The following CDC42BPG variants were observed in gnomAD, a reference collection of about 807,000 sequenced individuals.
CDC42BPG encodes serine/threonine-protein kinase MRCK gamma.
A neutral mutation model predicts 192.2 loss-of-function variants in CDC42BPG; 157 were observed. The ratio of observed to expected loss-of-function variants is 0.82; its 90% CI spans 0.72 to 0.93. The LOEUF is 0.93. CDC42BPG is among the 40% of genes least tolerant of loss of function. The pLI is 0.00. For missense variants in CDC42BPG, 1,992 were observed against 2,122.1 expected (o/e 0.94, Z 1.20); for synonymous variants, 981 against 918.5 (o/e 1.07, Z -1.23).
intron 30 of CDC42BPG, 34 bp downstream of exon 30, chr11:64,829,437 C>T (rs1942578441): frequency 6.3e-7 from 1 of 1,598,600 alleles, no homozygotes; most frequent in African/African-American, 1.3e-5. Context: ...CTGAAGGTGC[C>T]TGGCCCCCCT....
Position 64,838,886 on chromosome 11 carries a change from G to A in CDC42BPG, c.893C>T (p.Pro298Leu). The A allele has an allele frequency of 1.2e-6, 2 of 1,609,500 alleles. No homozygotes were observed. Among genetic ancestry groups the A allele is most frequent in the African/African-American group, 1.3e-5 (1 of 74,970 alleles). ...IMNHEDHLQF[P>L]PDVPDVPASA... ...GGCTGGCACGTCAGGCACGTCCGGG[G>A]GGAACTGCAGGTGGTCCTGTGGGTC... Residue 298 changes from proline to leucine, a missense_variant, in exon 8 of 37, where the codon CCC becomes CTC. Pro to Leu is a moderately conservative substitution (Grantham distance 98). This residue lies in a region of CDC42BPG where 1,656 missense variants were observed against 1,844.3 expected (regional missense o/e 0.90). Transcript: ENST00000342711.
rs748973936 is a variant in CDC42BPG, at chr11:64,836,098, AC to A, written c.1668+18del. On this transcript the variant is annotated intron_variant, in intron 13 of 36. Coordinates refer to ENST00000342711, the MANE Select transcript of CDC42BPG (RefSeq NM_017525.3). ...GGGGCAGGGCCCAGGTGCTGTCCCT[AC>A]CCACCCTGGTCACTCACCTCCCTCT... 2.8e-5 allele frequency: 44 copies of A among 1,586,170 alleles called. No individual in the cohort carries two copies. In the South Asian group the frequency reaches 4.9e-4, roughly 18 times the overall value.
intron 24 of CDC42BPG, 36 bp downstream of exon 24, chr11:64,833,195 G>A (rs1942786015): frequency 1.4e-6 from 2 of 1,471,490 alleles, no homozygotes; most frequent in South Asian, 1.2e-5. Flanking sequence ...ACACACCTGG[G>A]ACCGTGGCTG....
Position 64,831,585 on chromosome 11 carries a change from G to C in CDC42BPG, c.3224C>G (p.Pro1075Arg). The C allele has an allele frequency of 6.2e-7, 1 of 1,612,452 alleles. No individual in the cohort carries two copies. The highest frequency in any genetic ancestry group is 1.7e-5 in the Admixed American group (1 of 60,008). ...CTCCTTGAGTGTGTACACGGGCCGGGGTCTTGGCCGCGCGTCCAGCAGCAG... is the reference window on the plus strand; with the variant it reads ...CTCCTTGAGTGTGTACACGGGCCGGCGTCTTGGCCGCGCGTCCAGCAGCAG... ...QRLLLDARPR[P>R]RPVYTLKEAY... The change falls in exon 28 of 37, where the codon CCC becomes CGC. Residue 1075 changes from proline (P) to arginine (R), a missense_variant. Transcript: ENST00000342711.
Position 64,837,034 on chromosome 11 carries a change from G to T in CDC42BPG, c.1206-15C>A, listed in dbSNP as rs367720398. ...CAGGACTGTGACTGTAGGGGGACAGGGGCCATGTTTGTTGGTAGAAACCTC... is the reference window on the plus strand; with the variant it reads ...CAGGACTGTGACTGTAGGGGGACAGTGGCCATGTTTGTTGGTAGAAACCTC... On this transcript the variant is annotated splice_polypyrimidine_tract_variant and intron_variant, in intron 9 of 36. Coordinates refer to ENST00000342711, the MANE Select transcript of CDC42BPG (RefSeq NM_017525.3). 9 of 1,603,590 alleles carry T rather than the reference G, an allele frequency of 5.6e-6. No individual in the cohort carries two copies. Among genetic ancestry groups the T allele is most frequent in the Non-Finnish European group, 7.7e-6 (9 of 1,170,970 alleles).
rs1177029009 is a variant in CDC42BPG at position 64,824,807 on chromosome 11, G to A, written c.4600-278C>T. Among the ~76,000 whole-genome samples, 4 of 152,110 alleles carry A rather than the reference G, an allele frequency of 2.6e-5. No homozygotes were observed. The East Asian group carries it at 7.7e-4, about 29-fold the overall frequency. ...TCGCCTAGCCTGGAGTGCAATAATGGCATGATCTTGGCTCACTGCAACCTC... is the reference window on the plus strand; with the variant it reads ...TCGCCTAGCCTGGAGTGCAATAATGACATGATCTTGGCTCACTGCAACCTC... On this transcript the variant is annotated intron_variant, in intron 36 of 36. Transcript: ENST00000342711.
In CDC42BPG at chr11:64,841,644, A is replaced by G. The variant is rs1943287770; in HGVS notation, c.336+6T>C. On this transcript the variant is annotated splice_donor_region_variant and intron_variant, in intron 3 of 36. Coordinates refer to ENST00000342711, the MANE Select transcript of CDC42BPG (RefSeq NM_017525.3). ...TGCCCAAGGGCCCCCCAGACTCCACACTGACCTCAGCCCTCTTCAGCATCT... is the reference window on the plus strand; with the variant it reads ...TGCCCAAGGGCCCCCCAGACTCCACGCTGACCTCAGCCCTCTTCAGCATCT... The G allele has an allele frequency of 1.9e-6, 3 of 1,591,646 alleles. No homozygotes were observed. Among genetic ancestry groups the G allele is most frequent in the Non-Finnish European group, 1.7e-6 (2 of 1,169,614 alleles).
chr11:64,835,276 G>A, intron 16 of CDC42BPG, 71 bp downstream of exon 16: 3 of 1,609,844 alleles, frequency 1.9e-6, no homozygotes, highest in Non-Finnish European at 1.7e-6. Flanking sequence ...GCTGCAGCTT[G>A]CCCACCCCTC....
chr11:64,833,166 G>A lies in CDC42BPG; in HGVS notation c.2731+65C>T, dbSNP rs1004342818. On this transcript the variant is annotated intron_variant, in intron 24 of 36. Transcript: ENST00000342711. ...CAGTGACCCTGGGATGGGAGAAACA[G>A]CCTGGGTATGCCAGGGCCACACACC... 6 of 1,345,708 alleles carry A rather than the reference G, an allele frequency of 4.5e-6. No individual in the cohort carries two copies. In the Admixed American group the frequency reaches 1.0e-4, roughly 23 times the overall value. 83.4% of individuals were successfully genotyped at this position (1,345,708 alleles called of 1,614,324 possible).
chr11:64,831,215 C>A (rs560489021), intron 28 of CDC42BPG, among the ~76,000 whole-genome samples: 2 of 113,876 alleles, frequency 1.8e-5, no homozygotes, highest in East Asian at 5.0e-4. Context: ...GAGACTCTGT[C>A]TCAAAAAAAG....
chr11:64,840,819 C>T (rs1207620490), intron 3 of CDC42BPG, among the ~76,000 whole-genome samples, 171 bp from the exon 4 acceptor site: 1 of 152,200 alleles, frequency 6.6e-6, no homozygotes, highest in Admixed American at 6.5e-5. Flanking sequence ...CGCTCTACAG[C>T]TCTGGGCCTC....
intron 27 of CDC42BPG, among the ~76,000 whole-genome samples, chr11:64,832,033 G>C (rs1307198954): frequency 6.6e-6 from 1 of 152,266 alleles, no homozygotes; most frequent in Non-Finnish European, 1.5e-5. Context: ...AGGTAGGTGA[G>C]GGGCTGGGCT....
Position 64,827,672 on chromosome 11 carries a change from T to C in CDC42BPG, c.4065+14A>G, listed in dbSNP as rs1345131450. The C allele has an allele frequency of 1.9e-6, 3 of 1,608,180 alleles. No individual in the cohort carries two copies. Among genetic ancestry groups the C allele is most frequent in the Non-Finnish European group, 2.6e-6 (3 of 1,175,914 alleles). ...CACCCCCGGCGCTACCCCAGGGCTCTGGCGGACCCTCACCTTCTTGAGCGG... is the reference window on the plus strand; with the variant it reads ...CACCCCCGGCGCTACCCCAGGGCTCCGGCGGACCCTCACCTTCTTGAGCGG... On this transcript the variant is annotated intron_variant, in intron 31 of 36. Coordinates refer to ENST00000342711, the MANE Select transcript of CDC42BPG (RefSeq NM_017525.3).
rs1486624271 is a variant in CDC42BPG at position 64,824,317 on chromosome 11, G to A, written c.*156C>T. 6 of 721,796 alleles carry A rather than the reference G, an allele frequency of 8.3e-6. No individual in the cohort carries two copies. Among genetic ancestry groups the A allele is most frequent in the African/African-American group, 1.7e-5 (1 of 57,784 alleles). 44.7% of individuals were successfully genotyped at this position (721,796 alleles called of 1,614,324 possible). ...CTGGGAGTCAGGACCCCCAAGTCCT[G>A]GGAACCCAGGCAAGTCTCCCAGTCA... On this transcript the variant is annotated 3_prime_UTR_variant, in exon 37 of 37. Coordinates refer to ENST00000342711, the MANE Select transcript of CDC42BPG (RefSeq NM_017525.3).
intron 15 of CDC42BPG, 33 bp downstream of exon 15, chr11:64,835,467 C>A: frequency 1.2e-6 from 2 of 1,609,572 alleles, no homozygotes; most frequent in Non-Finnish European, 8.5e-7. Flanking sequence ...AGGCCAGGCC[C>A]GGCCCCTCCC....
chr11:64,827,647 C>CA, intron 31 of CDC42BPG, 36 bp from the exon 32 acceptor site: 4 of 1,605,474 alleles, frequency 2.5e-6, no homozygotes, highest in Non-Finnish European at 3.4e-6. Flanking sequence ...GCCACGCCTC[C>CA]ACCCCCGGCG....
rs767669244 is a variant in CDC42BPG at position 64,835,069 on chromosome 11, G to C, written c.2038C>G (p.Gln680Glu). The C allele has an allele frequency of 6.2e-7, 1 of 1,602,154 alleles. No homozygotes were observed. ...CACCAGCTGAGGATGTCGGCGAGCT[G>C]GGCCTCCCAGTTGCTCTCCGTCTCC... ...RRETESNWEA[Q>E]LADILSWVND... is the part of the protein sequence containing the mutation. The change falls in exon 17 of 37, where the codon CAG (glutamine) becomes GAG (glutamate). Residue 680 changes from glutamine to glutamate, a missense_variant. Physicochemically the swap from Gln to Glu is conservative, Grantham distance 29 (BLOSUM62 2). Coordinates refer to ENST00000342711, the MANE Select transcript of CDC42BPG (RefSeq NM_017525.3).
intron 27 of CDC42BPG, 113 bp downstream of exon 27, chr11:64,832,315 C>T (rs1022779329): frequency 3.7e-6 from 4 of 1,084,876 alleles, no homozygotes; most frequent in Non-Finnish European, 5.5e-6. Flanking sequence ...GGAAAGCGTG[C>T]TGTGGTTGTG....
Position 64,834,975 on chromosome 11 carries a change from G to A in CDC42BPG, c.2061-12C>T, listed in dbSNP as rs557622302. ...TCTCATCATTCACCCTGAATGGGAA[G>A]GGGCTCAGGGTCATGGGCTGGGCCC... is the stretch of plus-strand genomic sequence containing the variant. On this transcript the variant is annotated splice_polypyrimidine_tract_variant and intron_variant, in intron 17 of 36. Transcript: ENST00000342711. The A allele has an allele frequency of 1.2e-6, 2 of 1,613,706 alleles. No homozygotes were observed. Among genetic ancestry groups the A allele is most frequent in the African/African-American group, 1.3e-5 (1 of 75,040 alleles).
Sources: allele counts gnomAD v4.1 joint callset (sites outside exome capture counted in the v4.1 genomes callset), GRCh38; gene constraint gnomAD v4.1.1; regional missense constraint gnomAD v4.1.1; transcripts MANE v1.5; gene names NCBI Gene and HGNC (gene_info 2026-07-23, HGNC 2026-07-21).